Variants in CAST observed in about 807,000 individuals in gnomAD.
CAST encodes MIR583 host.
In CAST, 76 loss-of-function variants were observed where a neutral mutation model predicts 119.6. The observed-to-expected ratio is 0.64, with a 90% CI of 0.53 to 0.77. The LOEUF is 0.77. CAST is among the 30% of genes least tolerant of loss of function. CAST has a pLI of 0.00. For missense variants in CAST, 953 were observed against 946.5 expected, an observed-to-expected ratio of 1.01 and a Z score of -0.09; for synonymous variants, 319 against 331.6, an observed-to-expected ratio of 0.96 and a Z score of 0.41.
At chr5:96,750,145 T>C (rs1368587835) in intron 19 of CAST, among the ~76,000 whole-genome samples, 1 of 152,194 alleles carries the variant, frequency 6.6e-6, no homozygotes, top group African/African-American at 2.4e-5. Context: ...TTTTACATAA[T>C]GCTATATTAC....
the CAST span, among the ~76,000 whole-genome samples, chr5:96,200,565 A>C: frequency 1.3e-5 from 2 of 152,110 alleles, no homozygotes; most frequent in Non-Finnish European, 2.9e-5. Flanking sequence ...GTGTAATGGG[A>C]GCTCTAAGGT....
At chr5:95,967,448 A>ATAAATAAATAAG in the CAST span, among the ~76,000 whole-genome samples, 27 of 151,974 alleles carry the variant, frequency 1.8e-4, no homozygotes, top group East Asian at 3.8e-4. Context: ...AAATAAATAA[A>ATAAATAAATAAG]TAAGTAAATT....
chr5:96,172,464 CA>C, the CAST span, among the ~76,000 whole-genome samples: 1 of 152,152 alleles, frequency 6.6e-6, no homozygotes, highest in Non-Finnish European at 1.5e-5. Context: ...CTAGATTATT[CA>C]GTAGTGATTT....
chr5:96,534,749 GAA>G (rs376435695), intron 1 of CAST, among the ~76,000 whole-genome samples: 19,620 of 47,020 alleles, frequency 0.42, 4,083 homozygotes, highest in Middle Eastern at 0.53. Flanking sequence ...GAGAAAGAAA[GAA>G]AGAAAGAAAG....
the CAST span, among the ~76,000 whole-genome samples, chr5:96,202,424 T>A: frequency 6.6e-6 from 1 of 152,086 alleles, no homozygotes; most frequent in Non-Finnish European, 1.5e-5. Context: ...ATGACATAAT[T>A]GTGGAGGAAA....
the CAST span, among the ~76,000 whole-genome samples, chr5:96,298,041 T>C: frequency 6.6e-6 from 1 of 152,216 alleles, no homozygotes; most frequent in Non-Finnish European, 1.5e-5. Context: ...TACAGATCTG[T>C]TGCCACATGG....
chr5:96,126,629 T>G, the CAST span, among the ~76,000 whole-genome samples: 2 of 152,142 alleles, frequency 1.3e-5, no homozygotes, highest in African/African-American at 4.8e-5. Flanking sequence ...AGGTAGCTGT[T>G]GTATTTGTAA....
At chr5:96,400,058 C>T in the CAST span, 1 of 1,614,196 alleles carries the variant, frequency 6.2e-7, no homozygotes. Flanking sequence ...ATTTAGCAAG[C>T]CAAATCCAAA....
chr5:96,091,823 GATT>G, the CAST span, among the ~76,000 whole-genome samples: 1 of 152,134 alleles, frequency 6.6e-6, no homozygotes, highest in Non-Finnish European at 1.5e-5. Context: ...TTAAAGCCAT[GATT>G]TCTTCATGTG....
intron 1 of CAST, chr5:96,529,904 T>C (rs912324247): frequency 2.7e-6 from 1 of 364,280 alleles, no homozygotes; most frequent in Non-Finnish European, 5.4e-6. Flanking sequence ...ACCTCTCTTA[T>C]TTATAAATTA....
At chr5:96,318,767 A>G in the CAST span, 2 of 152,086 alleles carry the variant, frequency 1.3e-5, no homozygotes, top group Non-Finnish European at 2.9e-5. Flanking sequence ...TGACAGTAAA[A>G]TGGTTGAGTC....
chr5:96,460,740 A>G, the CAST span, among the ~76,000 whole-genome samples: 1 of 152,176 alleles, frequency 6.6e-6, no homozygotes, highest in Non-Finnish European at 1.5e-5. Flanking sequence ...GGCTTCAATT[A>G]TCTCACATTT....
rs113425588 is a variant in CAST at position 96,711,667 on chromosome 5, T to C, written c.211-10972T>C. Among the ~76,000 whole-genome samples the C allele has an allele frequency of 3.9e-3, 594 of 152,330 alleles. 10 individuals carry two copies. Among genetic ancestry groups the C allele is most frequent in the South Asian group, 0.033 (159 of 4,830 alleles). ...AGCAAGATTCTATTTGATTCTAAAATTCTTTTCAGCAGACTAGTCTTACAA... is the reference window on the plus strand; with the variant it reads ...AGCAAGATTCTATTTGATTCTAAAACTCTTTTCAGCAGACTAGTCTTACAA... On this transcript the variant is annotated intron_variant, in intron 3 of 31. Coordinates refer to ENST00000675179, the MANE Select transcript of CAST (RefSeq NM_001750.7).
the CAST span, among the ~76,000 whole-genome samples, chr5:96,276,036 GTCT>G: frequency 1.1e-4 from 16 of 152,308 alleles, no homozygotes; most frequent in Non-Finnish European, 2.2e-4. Flanking sequence ...TTAGCCAGTG[GTCT>G]TCTTCGTGAA....
At position 96,765,284 on chromosome 5, in the gene CAST, C is replaced by T; in HGVS notation, c.1996C>T (p.Pro666Ser). 1 of 1,586,204 alleles carries T rather than the reference C, an allele frequency of 6.3e-7. No individual in the cohort carries two copies. Among genetic ancestry groups the T allele is most frequent in the South Asian group, 1.1e-5 (1 of 90,290 alleles). The change falls in exon 26 of 32, where the codon CCT (proline) becomes TCT (serine). Residue 666 changes from proline to serine, a missense_variant. Transcript: ENST00000675179. ...CTCTGACAGTCTAGGACAAAGGCAG[C>T]CTGACCCAGATGAGAACAAACCAAT... is the stretch of plus-strand genomic sequence containing the variant. ...KLSDSLGQRQ[P>S]DPDENKPMED...
At chr5:96,469,548 C>T in the CAST span, among the ~76,000 whole-genome samples, 4 of 151,800 alleles carry the variant, frequency 2.6e-5, no homozygotes, top group Non-Finnish European at 4.4e-5. Context: ...TGGATTATTC[C>T]TCAGGTTGTT....
chr5:96,104,680 C>T, the CAST span, among the ~76,000 whole-genome samples: 1 of 150,252 alleles, frequency 6.7e-6, no homozygotes. Flanking sequence ...ATGCCTCCAG[C>T]TTTGTTCTTT....
chr5:96,114,169 C>T, the CAST span, among the ~76,000 whole-genome samples: 1 of 151,886 alleles, frequency 6.6e-6, no homozygotes, highest in East Asian at 1.9e-4. Context: ...TAAACCTGGG[C>T]AAGGAAAAGT....
chr5:96,641,085 C>A (rs185272726), intron 1 of CAST, among the ~76,000 whole-genome samples: 1 of 152,240 alleles, frequency 6.6e-6, no homozygotes, highest in East Asian at 1.9e-4. Flanking sequence ...AGTTAAATTT[C>A]TCCTCCTTTT....
Sources: allele counts gnomAD v4.1 joint callset (sites outside exome capture counted in the v4.1 genomes callset), GRCh38; gene constraint gnomAD v4.1.1; transcripts MANE v1.5; gene names NCBI Gene and HGNC (gene_info 2026-07-23, HGNC 2026-07-21).